Variants in MERTK observed in about 807,000 individuals in gnomAD.
MERTK encodes tyrosine-protein kinase Mer.
In MERTK, 69 loss-of-function variants were observed where a neutral mutation model predicts 99.3. The observed-to-expected ratio is 0.70, with a 90% CI of 0.57 to 0.85. The LOEUF is 0.85. Ranked by LOEUF, MERTK falls within the 40% of genes least tolerant of loss-of-function variation. The probability of loss-of-function intolerance (pLI) is 0.00; values close to 1 mark genes in which losing one functional copy is unlikely to be tolerated. For missense variants in MERTK, 1,125 were observed against 1,249.4 expected (o/e 0.90, Z 1.50); for synonymous variants, 426 against 467.6 (o/e 0.91, Z 1.15).
Position 112,029,371 on chromosome 2 carries a change from T to G in MERTK, c.*507T>G. The G allele has an allele frequency of 1.1e-6, 1 of 936,712 alleles. No individual in the cohort carries two copies. The highest frequency in any genetic ancestry group is 4.9e-5 in the South Asian group (1 of 20,530). 58.0% of individuals were successfully genotyped at this position (936,712 alleles called of 1,614,324 possible). A position where few individuals can be genotyped will look rare whatever the true frequency, so the allele number is the denominator to read the frequency against. On this transcript the variant is annotated 3_prime_UTR_variant, in exon 19 of 19. Transcript: ENST00000295408. ...CTAATAAAATATGAATAAGGAAGGA[T>G]ATGTTGAACTTACTTGAGACTTGAA...
chr2:111,968,298 G>T, intron 6 of MERTK, 46 bp downstream of exon 6: 2 of 1,483,616 alleles, frequency 1.3e-6, no homozygotes, highest in Non-Finnish European at 1.9e-6. Context: ...GGTGCTCTCT[G>T]TGGGTTTAAG....
chr2:111,947,486 C>A lies in MERTK; in HGVS notation c.676C>A (p.Pro226Thr), dbSNP rs754449601. The change falls in exon 4 of 19, where the codon CCC becomes ACC. Residue 226 changes from proline (P) to threonine (T), a missense_variant. Coordinates refer to ENST00000295408, the MANE Select transcript of MERTK (RefSeq NM_006343.3). ...LTCQAVGPPE[P>T]VNIFWVQNSS... ...CTGTCAGGCTGTGGGCCCGCCTGAG[C>A]CCGTCAACATTTTCTGGGTTCAAAA... 27 of 1,614,172 alleles carry A rather than the reference C, an allele frequency of 1.7e-5. No individual in the cohort carries two copies.
At chr2:111,918,551 A>T (rs7571447) in intron 1 of MERTK, among the ~76,000 whole-genome samples, 70,582 of 152,098 alleles carry the variant, frequency 0.46, 16,542 homozygotes, top group East Asian at 0.74. Flanking sequence ...TTCTGTGACA[A>T]TTGGCATGCT....
intron 8 of MERTK, among the ~76,000 whole-genome samples, chr2:111,990,259 C>G (rs1676589960): frequency 6.6e-6 from 1 of 152,106 alleles, no homozygotes; most frequent in Non-Finnish European, 1.5e-5. Context: ...TTAAGTTTAC[C>G]ATTTAAGGAT....
At chr2:112,018,731 G>T (rs1015142168) in intron 15 of MERTK, among the ~76,000 whole-genome samples, 1 of 152,124 alleles carries the variant, frequency 6.6e-6, no homozygotes, top group African/African-American at 2.4e-5. Context: ...TCCAACAGTG[G>T]CTGGTTTTCT....
chr2:111,971,214 TAGTC>T (rs1298077447), intron 6 of MERTK, among the ~76,000 whole-genome samples: 8 of 152,246 alleles, frequency 5.3e-5, no homozygotes, highest in East Asian at 1.9e-4. Flanking sequence ...TTATTTTTCT[TAGTC>T]AGTCCAGCTA....
At chr2:111,960,480 C>CAAAAAAAA (rs61179378) in intron 4 of MERTK, among the ~76,000 whole-genome samples, 1 of 75,946 alleles carries the variant, frequency 1.3e-5, no homozygotes, top group Non-Finnish European at 2.6e-5. Flanking sequence ...GTCTCAGTCT[C>CAAAAAAAA]AAAAAAAAAA....
At chr2:112,009,527 G>T (rs938624187) in intron 14 of MERTK, among the ~76,000 whole-genome samples, 4 of 152,248 alleles carry the variant, frequency 2.6e-5, no homozygotes, top group South Asian at 2.1e-4. Context: ...AAACTAGTTC[G>T]CCCTAGTTCA....
rs1301495861 is a variant in MERTK at position 112,028,783 on chromosome 2, C to T, written c.2919C>T (p.Ser973=). 6.2e-7 allele frequency: 1 copy of T among 1,614,118 alleles called. No individual in the cohort carries two copies. Among genetic ancestry groups the T allele is most frequent in the Admixed American group, 1.7e-5 (1 of 60,010 alleles). The part of the protein sequence containing the change: ...VRNGVSWSHS[S]MLPLGSSLPD... ...ATGGGGTCTCCTGGTCCCATTCGAG[C>T]ATGCTGCCCTTGGGAAGCTCATTGC... The change falls in exon 19 of 19, where the codon AGC becomes AGT. Residue 973 remains serine, a synonymous_variant. Transcript: ENST00000295408.
intron 2 of MERTK, among the ~76,000 whole-genome samples, chr2:111,943,191 G>T (rs997044560): frequency 6.6e-6 from 1 of 152,122 alleles, no homozygotes; most frequent in African/African-American, 2.4e-5. Context: ...ACAGGTTGAG[G>T]GATGAGATTT....
chr2:111,933,948 C>T (rs1422269401), intron 2 of MERTK, among the ~76,000 whole-genome samples: 1 of 150,344 alleles, frequency 6.7e-6, no homozygotes, highest in African/African-American at 2.5e-5. Context: ...TCAATTCCCA[C>T]TGATGAGTGA....
At chr2:111,939,701 G>A (rs1316919714) in intron 2 of MERTK, among the ~76,000 whole-genome samples, 1 of 104,450 alleles carries the variant, frequency 9.6e-6, no homozygotes, top group African/African-American at 3.9e-5. Context: ...ATGGGTTCTC[G>A]TTATGTTGCC....
At chr2:111,976,598 A>G (rs1388251646) in intron 7 of MERTK, among the ~76,000 whole-genome samples, 2 of 151,922 alleles carry the variant, frequency 1.3e-5, no homozygotes, top group East Asian at 1.9e-4. Context: ...GTACATATAC[A>G]CACATATATA....
chr2:111,985,358 A>G, intron 8 of MERTK, among the ~76,000 whole-genome samples: 1 of 152,148 alleles, frequency 6.6e-6, no homozygotes, highest in Non-Finnish European at 1.5e-5. Context: ...AAAGGAAGAG[A>G]GTGGGGTATT....
intron 9 of MERTK, among the ~76,000 whole-genome samples, chr2:111,995,725 A>T (rs894734684): frequency 6.6e-6 from 1 of 152,194 alleles, no homozygotes; most frequent in African/African-American, 2.4e-5. Flanking sequence ...CAAGGCAGGC[A>T]GATCACTTGA....
At chr2:112,022,613 A>T in intron 18 of MERTK, 1 of 788,728 alleles carries the variant, frequency 1.3e-6, no homozygotes, top group Non-Finnish European at 2.3e-6. Flanking sequence ...AGGCTCACTC[A>T]TCCAAAGGGC....
chr2:111,943,144 T>C (rs887288502), intron 2 of MERTK, among the ~76,000 whole-genome samples: 1 of 152,194 alleles, frequency 6.6e-6, no homozygotes, highest in African/African-American at 2.4e-5. Context: ...CCTTGACAGC[T>C]TCCTGGTTTC....
At chr2:111,993,126 G>C (rs1466719030) in intron 8 of MERTK, among the ~76,000 whole-genome samples, 1 of 99,610 alleles carries the variant, frequency 1.0e-5, no homozygotes, top group Non-Finnish European at 2.2e-5. Context: ...GAAGCCTTCT[G>C]TGTTGACTAT....
Position 111,994,258 on chromosome 2 carries a change from T to C in MERTK, c.1304T>C (p.Leu435Pro). The change falls in exon 9 of 19, where the codon CTC becomes CCC. Residue 435 changes from leucine (L) to proline (P), a missense_variant. Coordinates refer to ENST00000295408, the MANE Select transcript of MERTK (RefSeq NM_006343.3). The part of the protein sequence containing the change: ...VWQSAGISKE[L>P]LEEVGQNGSR... Reference sequence around the variant, plus strand: ...CTTCCTCTCTGTCTCCAGAAAGAGCTCTTGGAGGAAGTTGGCCAGAATGGC... The same window carrying C: ...CTTCCTCTCTGTCTCCAGAAAGAGCCCTTGGAGGAAGTTGGCCAGAATGGC... The C allele has an allele frequency of 1.9e-6, 3 of 1,613,946 alleles. No individual in the cohort carries two copies. The highest frequency in any genetic ancestry group is 2.5e-6 in the Non-Finnish European group (3 of 1,180,024).
Sources: allele counts gnomAD v4.1 joint callset (sites outside exome capture counted in the v4.1 genomes callset), GRCh38; gene constraint gnomAD v4.1.1; transcripts MANE v1.5; gene names NCBI Gene and HGNC (gene_info 2026-07-23, HGNC 2026-07-21).